SUSD2: variants seen among roughly 807,000 people sequenced by gnomAD.
The protein encoded by SUSD2 is sushi domain-containing protein 2.
Under a neutral mutation model 93.8 loss-of-function variants are expected in SUSD2, and 86 were observed. That is an observed-to-expected ratio of 0.92 (90% confidence interval 0.77 to 1.10). The LOEUF is 1.10. Ranked by LOEUF, SUSD2 falls within the 50% of genes least tolerant of loss-of-function variation. SUSD2 has a pLI of 0.00. For missense variants in SUSD2, 1,060 were observed against 1,137.0 expected (o/e 0.93, Z 0.97); for synonymous variants, 483 against 485.0 (o/e 1.00, Z 0.05).
Position 24,181,547 on chromosome 22 carries a change from C to T in SUSD2, c.28C>T (p.Leu10=), listed in dbSNP as rs868130967. The T allele has an allele frequency of 1.1e-5, 17 of 1,590,136 alleles. 1 individual carries two copies. In the Middle Eastern group the frequency reaches 2.0e-3, roughly 187 times the overall value. Residue 10 remains leucine, a synonymous_variant, in exon 1 of 15, where the codon CTG becomes TTG. Transcript: ENST00000358321. MKPALLPWA[L]LLLATALGPG... is the part of the protein sequence containing the mutation. ...GAAGCCAGCCCTCCTGCCCTGGGCC[C>T]TGCTGCTGCTGGCGACAGCCCTCGG...
At position 24,184,451 on chromosome 22, in the gene SUSD2, A is replaced by T. The variant is rs961547681; in HGVS notation, c.607+148A>T. The T allele has an allele frequency of 2.9e-5, 26 of 899,710 alleles. No homozygotes were observed. The African/African-American group carries it at 4.0e-4, about 14-fold the overall frequency. 55.7% of individuals were successfully genotyped at this position (899,710 alleles called of 1,614,324 possible). A position where few individuals can be genotyped will look rare whatever the true frequency, so the allele number is the denominator to read the frequency against. On this transcript the variant is annotated intron_variant, in intron 4 of 14. Transcript: ENST00000358321. ...TTCCAGGCAGAGATTGAGGATTCGG[A>T]TGGAGGGAAGTGCAGGTCAGGGGGG... is the stretch of plus-strand genomic sequence containing the variant.
In SUSD2 at chr22:24,184,813, C is replaced by G. The variant is rs765008125; in HGVS notation, c.655C>G (p.Pro219Ala). 1 of 1,612,802 alleles carries G rather than the reference C, an allele frequency of 6.2e-7. No individual in the cohort carries two copies. Among genetic ancestry groups the G allele is most frequent in the Admixed American group, 1.7e-5 (1 of 59,866 alleles). The change falls in exon 5 of 15, where the codon CCC (proline) becomes GCC (alanine). Residue 219 changes from proline to alanine, a missense_variant. Pro to Ala is a conservative substitution (Grantham distance 27). Coordinates refer to ENST00000358321, the MANE Select transcript of SUSD2 (RefSeq NM_019601.4). ...GACTGCAAAGTGGTCGTACCTGTACCCCCTGGCCACACACATCCCCAACTC... is the reference window on the plus strand; with the variant it reads ...GACTGCAAAGTGGTCGTACCTGTACGCCCTGGCCACACACATCCCCAACTC... ...EWTAKWSYLY[P>A]LATHIPNSGS... is the part of the protein sequence containing the mutation.
At position 24,183,698 on chromosome 22, in the gene SUSD2, G is replaced by A. The variant is rs372201235; in HGVS notation, c.439+52G>A. On this transcript the variant is annotated intron_variant, in intron 3 of 14. Transcript: ENST00000358321. ...TGCCCCCACGGGGACTTTCCCCAGCGCTAATCTATGCACACCGAGACTTGG... is the reference window on the plus strand; with the variant it reads ...TGCCCCCACGGGGACTTTCCCCAGCACTAATCTATGCACACCGAGACTTGG... 8.4e-4 allele frequency: 1,316 copies of A among 1,571,626 alleles called. 4 individuals carry two copies. Among genetic ancestry groups the A allele is most frequent in the Non-Finnish European group, 1.0e-3 (1,195 of 1,161,168 alleles).
intron 1 of SUSD2, among the ~76,000 whole-genome samples, chr22:24,182,051 C>T (rs2047328977): frequency 6.6e-6 from 1 of 152,186 alleles, no homozygotes; most frequent in South Asian, 2.1e-4. Flanking sequence ...CATCTCTCGG[C>T]CTCCTCCCCC....
Position 24,184,018 on chromosome 22 carries a change from T to A in SUSD2, c.440-118T>A, listed in dbSNP as rs539178737. ...TCTGCTGTGCGGGCCAGAGAGACCA[T>A]CACCCAGCTGCTGCCATGCATTGGC... On this transcript the variant is annotated intron_variant, in intron 3 of 14. Transcript: ENST00000358321. 8.0e-6 allele frequency: 8 copies of A among 998,456 alleles called. No homozygotes were observed. In the East Asian group the frequency reaches 1.0e-4, roughly 13 times the overall value. 61.8% of individuals were successfully genotyped at this position (998,456 alleles called of 1,614,324 possible). A position where few individuals can be genotyped will look rare whatever the true frequency, so the allele number is the denominator to read the frequency against.
At position 24,187,711 on chromosome 22, in the gene SUSD2, G is replaced by C; in HGVS notation, c.2032G>C (p.Glu678Gln). The change falls in exon 12 of 15, where the codon GAG becomes CAG. Residue 678 changes from glutamate to glutamine, a missense_variant. Around this residue, in one of 2 missense-constraint regions of SUSD2, gnomAD observed 973 missense variants for 1,005.3 expected, o/e 0.97. Coordinates refer to ENST00000358321, the MANE Select transcript of SUSD2 (RefSeq NM_019601.4). ...CACCCTCAACCCCAGCCTGGCACAAGAGGCAGCCAAACTATGTGGGGACGA... is the reference window on the plus strand; with the variant it reads ...CACCCTCAACCCCAGCCTGGCACAACAGGCAGCCAAACTATGTGGGGACGA... The part of the protein sequence containing the change: ...ETTLNPSLAQ[E>Q]AAKLCGDDHF... 2 of 1,614,092 alleles carry C rather than the reference G, an allele frequency of 1.2e-6. No homozygotes were observed. Among genetic ancestry groups the C allele is most frequent in the Non-Finnish European group, 1.7e-6 (2 of 1,180,040 alleles).
At chr22:24,184,426 T>C in intron 4 of SUSD2, 123 bp downstream of exon 4, 5 of 976,328 alleles carry the variant, frequency 5.1e-6, no homozygotes, top group Non-Finnish European at 7.5e-6. Flanking sequence ...GGGAAGGGAA[T>C]TCCAGGCAGA....
At chr22:24,182,894 G>A (rs1601338218) in intron 1 of SUSD2, 163 bp from the exon 2 acceptor site, 3 of 611,868 alleles carry the variant, frequency 4.9e-6, no homozygotes, top group Non-Finnish European at 8.6e-6. Flanking sequence ...CGGGCCCTGT[G>A]GCTTTCTACT....
At chr22:24,184,562 TG>T (rs1329184984) in intron 4 of SUSD2, among the ~76,000 whole-genome samples, 1 of 152,002 alleles carries the variant, frequency 6.6e-6, no homozygotes, top group African/African-American at 2.4e-5. Context: ...GGCATGGCCC[TG>T]GGCCCAGCTT....
At chr22:24,183,002 T>C in intron 1 of SUSD2, 55 bp from the exon 2 acceptor site, 2 of 1,494,834 alleles carry the variant, frequency 1.3e-6, no homozygotes, top group Non-Finnish European at 1.8e-6. Context: ...GCCCTGCACA[T>C]GGGGCAGCCA....
chr22:24,188,520 AGACACCTGG>A lies in SUSD2; in HGVS notation c.*88_*96del. Reference sequence around the variant, plus strand: ...CTGCGACTCCCGCATCCCCAGGACCAGACACCTGGGACCTGGATACTTGATACCTGGGCA... The same window carrying A: ...CTGCGACTCCCGCATCCCCAGGACCAGACCTGGATACTTGATACCTGGGCA... On this transcript the variant is annotated 3_prime_UTR_variant, in exon 15 of 15. Coordinates refer to ENST00000358321, the MANE Select transcript of SUSD2 (RefSeq NM_019601.4). The surrounding 1 kb of genome is among the most constrained non-coding windows in gnomAD (Gnocchi z 4.7). The A allele has an allele frequency of 7.5e-7, 1 of 1,333,060 alleles. No homozygotes were observed. Among genetic ancestry groups the A allele is most frequent in the Admixed American group, 1.8e-5 (1 of 56,786 alleles). The allele number at this position is 1,333,060 out of a possible 1,614,324, so 82.6% of individuals were successfully genotyped here.
At position 24,187,434 on chromosome 22, in the gene SUSD2, C is replaced by T; in HGVS notation, c.1875C>T (p.Phe625=). The change falls in exon 11 of 15, where the codon TTC becomes TTT. Residue 625 remains phenylalanine, a synonymous_variant. Coordinates refer to ENST00000358321, the MANE Select transcript of SUSD2 (RefSeq NM_019601.4). ...LPPGTSPQEL[F]LFGANWTVHN... is the part of the protein sequence containing the mutation. ...CAGGCACCAGTCCCCAGGAGCTGTT[C>T]CTGTTTGGGGCCAACTGTGAGTGAC... The T allele has an allele frequency of 2.5e-6, 4 of 1,613,158 alleles. No individual in the cohort carries two copies. Among genetic ancestry groups the T allele is most frequent in the Non-Finnish European group, 3.4e-6 (4 of 1,179,984 alleles).
At chr22:24,182,814 C>G in intron 1 of SUSD2, 1 of 530,196 alleles carries the variant, frequency 1.9e-6, no homozygotes, top group Non-Finnish European at 3.4e-6. Context: ...TTTGCCTCTT[C>G]TCGCTGCATT....
Position 24,185,105 on chromosome 22 carries a change from C to T in SUSD2, c.794C>T (p.Ala265Val), listed in dbSNP as rs1484657273. 14 of 1,612,756 alleles carry T rather than the reference C, an allele frequency of 8.7e-6. No individual in the cohort carries two copies. Among genetic ancestry groups the T allele is most frequent in the Non-Finnish European group, 1.1e-5 (13 of 1,179,816 alleles). Residue 265 changes from alanine (A) to valine (V), a missense_variant, in exon 6 of 15, where the codon GCG becomes GTG. Physicochemically the swap from Ala to Val is moderately conservative, Grantham distance 64. Transcript: ENST00000358321. Reference sequence around the variant, plus strand: ...CATCACCTCCACAGGGACGTGCAGGCGCTCTGGACCAACGACCACGCACTG... The same window carrying T: ...CATCACCTCCACAGGGACGTGCAGGTGCTCTGGACCAACGACCACGCACTG... ...KNYAGQKDVQALWTNDHALAW... is the reference protein window; with the variant it reads ...KNYAGQKDVQVLWTNDHALAW...
chr22:24,185,437 G>A, intron 6 of SUSD2, 49 bp from the exon 7 acceptor site: 2 of 1,545,208 alleles, frequency 1.3e-6, no homozygotes, highest in Non-Finnish European at 1.8e-6. Flanking sequence ...TCAGGGAGGG[G>A]ATGACAGAAC....
Position 24,186,095 on chromosome 22 carries a change from G to A in SUSD2, c.1419G>A (p.Leu473=), listed in dbSNP as rs1441665362. 1.2e-6 allele frequency: 2 copies of A among 1,612,690 alleles called. No individual in the cohort carries two copies. Among genetic ancestry groups the A allele is most frequent in the African/African-American group, 1.3e-5 (1 of 75,056 alleles). ...TCAATGGGCGCGGAGAGTACGTGCT[G>A]CTGGAGGCAGCGCTGACCGACCTGA... ...FTFNGRGEYV[L]LEAALTDLRV... The change falls in exon 9 of 15, where the codon CTG becomes CTA. Residue 473 remains leucine, a synonymous_variant. Transcript: ENST00000358321.
chr22:24,186,106 C>T lies in SUSD2; in HGVS notation c.1430C>T (p.Ala477Val), dbSNP rs761170227. The change falls in exon 9 of 15, where the codon GCG becomes GTG. Residue 477 changes from alanine (A) to valine (V), a missense_variant. Around this residue, in one of 2 missense-constraint regions of SUSD2, gnomAD observed 973 missense variants for 1,005.3 expected, o/e 0.97. Transcript: ENST00000358321. ...GRGEYVLLEAALTDLRVQARA... is the reference protein window; with the variant it reads ...GRGEYVLLEAVLTDLRVQARA... ...GGAGAGTACGTGCTGCTGGAGGCAG[C>T]GCTGACCGACCTGAGGGTGCAGGCG... is the stretch of plus-strand genomic sequence containing the variant. 21 of 1,612,426 alleles carry T rather than the reference C, an allele frequency of 1.3e-5. No individual in the cohort carries two copies. The highest frequency in any genetic ancestry group is 4.0e-5 in the African/African-American group (3 of 75,058).
At chr22:24,182,817 G>C (rs188814631) in intron 1 of SUSD2, 28 of 529,512 alleles carry the variant, frequency 5.3e-5, no homozygotes, top group Admixed American at 3.5e-4. Context: ...GCCTCTTCTC[G>C]CTGCATTCTA....
At chr22:24,183,701 A>G in intron 3 of SUSD2, 55 bp downstream of exon 3, 5 of 1,569,846 alleles carry the variant, frequency 3.2e-6, no homozygotes, top group East Asian at 2.3e-5. Flanking sequence ...CCCCAGCGCT[A>G]ATCTATGCAC....
Sources: gnomAD v4.1 joint callset for allele counts (sites outside exome capture counted in the v4.1 genomes callset) on GRCh38, gnomAD v4.1.1 for gene constraint, gnomAD v4.1.1 regional missense constraint, Gnocchi (gnomAD v3.1) non-coding constraint, MANE v1.5 for transcripts, NCBI Gene and HGNC (gene_info 2026-07-23, HGNC 2026-07-21) for gene names.